The following CLNK variants were observed in gnomAD, a reference collection of about 807,000 sequenced individuals.
The protein encoded by CLNK is cytokine-dependent hematopoietic cell linker.
CLNK carries 74 observed loss-of-function variants against 68.6 expected under a neutral mutation model. The observed-to-expected ratio is 1.08, with a 90% CI of 0.89 to 1.31. The LOEUF (loss-of-function observed/expected upper bound fraction) is 1.31, where lower values mean the gene tolerates loss of function less well. CLNK is among the 50% of genes most tolerant of loss of function. CLNK has a pLI of 0.00. For missense variants in CLNK, 553 were observed against 515.3 expected, an observed-to-expected ratio of 1.07 and a Z score of -0.71; for synonymous variants, 198 against 172.2, an observed-to-expected ratio of 1.15 and a Z score of -1.17.
chr4:10,700,812 A>G, the CLNK span, among the ~76,000 whole-genome samples: 1 of 152,208 alleles, frequency 6.6e-6, no homozygotes, highest in African/African-American at 2.4e-5. Context: ...AAACAATGGC[A>G]AACTAATACA....
At chr4:10,688,830 T>A (rs1265948480), upstream of CLNK, among the ~76,000 whole-genome samples, 1 of 152,200 alleles carries the variant, frequency 6.6e-6, no homozygotes, top group African/African-American at 2.4e-5. Context: ...CTGACATTTT[T>A]ATCTCTGCTT....
At position 10,626,055 on chromosome 4, in the gene CLNK, C is replaced by T. The variant is rs534837087; in HGVS notation, c.12-28006G>A. Among the ~76,000 whole-genome samples, 4 of 152,356 alleles carry T rather than the reference C, an allele frequency of 2.6e-5. No homozygotes were observed. The South Asian group carries it at 8.3e-4, about 32-fold the overall frequency. ...TGAATCTTGGGGGACATCCTTCACTCGTGCACTTTGACTGGTTGGGGGTGG... is the reference window on the plus strand; with the variant it reads ...TGAATCTTGGGGGACATCCTTCACTTGTGCACTTTGACTGGTTGGGGGTGG... On this transcript the variant is annotated intron_variant, in intron 2 of 18. Transcript: ENST00000226951.
chr4:10,680,991 A>C (rs541086937), intron 1 of CLNK, among the ~76,000 whole-genome samples: 1 of 152,030 alleles, frequency 6.6e-6, no homozygotes, highest in African/African-American at 2.4e-5. Flanking sequence ...GTCCTGATAT[A>C]TATATATATA....
intron 17 of CLNK, among the ~76,000 whole-genome samples, chr4:10,503,576 A>G (rs1171885071): frequency 6.7e-6 from 1 of 148,500 alleles, no homozygotes; most frequent in Non-Finnish European, 1.5e-5. Flanking sequence ...ATATAATTAT[A>G]TACTTCAATA....
intron 8 of CLNK, among the ~76,000 whole-genome samples, chr4:10,548,002 C>G (rs988861830): frequency 6.6e-6 from 1 of 152,056 alleles, no homozygotes; most frequent in African/African-American, 2.4e-5. Context: ...GGTATATACT[C>G]AAAAGTTGGA....
chr4:10,654,523 G>A (rs1357748510), intron 2 of CLNK, among the ~76,000 whole-genome samples: 4 of 150,632 alleles, frequency 2.7e-5, no homozygotes, highest in Non-Finnish European at 5.9e-5. Context: ...TTAGAACACA[G>A]GTGCCTGCTA....
intron 9 of CLNK, 61 bp from the exon 10 acceptor site, chr4:10,542,102 A>G (rs1719054895): frequency 7.1e-7 from 1 of 1,411,288 alleles, no homozygotes. Flanking sequence ...GCCAATGGCT[A>G]ACAGTTTTTT....
At chr4:10,610,821 T>C (rs1247747859) in intron 2 of CLNK, among the ~76,000 whole-genome samples, 1 of 139,044 alleles carries the variant, frequency 7.2e-6, no homozygotes, top group East Asian at 2.2e-4. Context: ...CACACACACG[T>C]ATGAATCCTC....
chr4:10,505,721 C>G (rs1314519637), intron 17 of CLNK, among the ~76,000 whole-genome samples: 1 of 152,116 alleles, frequency 6.6e-6, no homozygotes, highest in Non-Finnish European at 1.5e-5. Context: ...TTACAAGGAC[C>G]TTTGTGATTA....
In CLNK at chr4:10,566,190, A is replaced by G. The variant is rs549622652; in HGVS notation, c.151-40T>C. On this transcript the variant is annotated intron_variant, in intron 5 of 18. Transcript: ENST00000226951. Reference sequence around the variant, plus strand: ...ACATTCCAGTGAGTCAAAGGAAGGTACAATGTTGACAAAGACAGGCTACAG... The same window carrying G: ...ACATTCCAGTGAGTCAAAGGAAGGTGCAATGTTGACAAAGACAGGCTACAG... The G allele has an allele frequency of 1.6e-5, 26 of 1,603,862 alleles. No individual in the cohort carries two copies. In the Admixed American group the frequency reaches 2.4e-4, roughly 15 times the overall value.
intron 3 of CLNK, among the ~76,000 whole-genome samples, chr4:10,587,541 T>C (rs1721014172): frequency 6.6e-6 from 1 of 152,186 alleles, no homozygotes; most frequent in South Asian, 2.1e-4. Flanking sequence ...ATGAGGTCTC[T>C]TCGGTGTCTG....
At chr4:10,491,153 A>C (rs914223238) in intron 18 of CLNK, among the ~76,000 whole-genome samples, 1 of 152,244 alleles carries the variant, frequency 6.6e-6, no homozygotes, top group Admixed American at 6.5e-5. Flanking sequence ...GAGAGAACCA[A>C]AAGTGAGCCC....
chr4:10,675,749 A>T (rs1330189869), intron 1 of CLNK, among the ~76,000 whole-genome samples: 1 of 152,132 alleles, frequency 6.6e-6, no homozygotes, highest in Non-Finnish European at 1.5e-5. Flanking sequence ...TACCTTCTAG[A>T]TATAGGAAAT....
At chr4:10,526,279 G>A (rs1163789715) in intron 13 of CLNK, among the ~76,000 whole-genome samples, 2 of 151,838 alleles carry the variant, frequency 1.3e-5, no homozygotes, top group Non-Finnish European at 2.9e-5. Context: ...TATATCATTC[G>A]ACAAACATTT....
intron 2 of CLNK, among the ~76,000 whole-genome samples, chr4:10,621,033 C>A (rs893408729): frequency 1.3e-5 from 2 of 152,022 alleles, no homozygotes; most frequent in African/African-American, 2.4e-5. Flanking sequence ...TGGCGTGAAC[C>A]CGGGAGACAG....
chr4:10,597,640 G>A (rs1311142499), intron 3 of CLNK, among the ~76,000 whole-genome samples: 11 of 152,284 alleles, frequency 7.2e-5, no homozygotes, highest in South Asian at 4.1e-4. Context: ...CTGGATCCAT[G>A]ATCCATCATT....
At chr4:10,586,119 G>A (rs1720956073) in intron 3 of CLNK, among the ~76,000 whole-genome samples, 1 of 151,506 alleles carries the variant, frequency 6.6e-6, no homozygotes, top group Non-Finnish European at 1.5e-5. Context: ...CAAAGCTTAG[G>A]CGATAATGCT....
intron 8 of CLNK, among the ~76,000 whole-genome samples, chr4:10,544,968 G>C (rs1302942143): frequency 6.6e-6 from 1 of 152,062 alleles, no homozygotes; most frequent in Admixed American, 6.6e-5. Context: ...TCATTAATCT[G>C]TGAATGGATT....
chr4:10,560,871 C>T (rs753152037), intron 7 of CLNK, among the ~76,000 whole-genome samples: 5 of 152,066 alleles, frequency 3.3e-5, no homozygotes, highest in Non-Finnish European at 5.9e-5. Context: ...TTTTACAACA[C>T]TGATTACAAA....
Sources: allele counts gnomAD v4.1 joint callset (sites outside exome capture counted in the v4.1 genomes callset), GRCh38; gene constraint gnomAD v4.1.1; transcripts MANE v1.5; gene names NCBI Gene and HGNC (gene_info 2026-07-23, HGNC 2026-07-21).